EPC2: variants seen among roughly 807,000 people sequenced by gnomAD.
The protein encoded by EPC2 is enhancer of polycomb homolog 2.
In EPC2, 14 loss-of-function variants were observed where a neutral mutation model predicts 92.1. The observed-to-expected ratio is 0.15, with a 90% CI of 0.10 to 0.24. EPC2 has a LOEUF of 0.24. EPC2 is among the 10% of genes least tolerant of loss of function. The probability of loss-of-function intolerance (pLI) is 1.00; values close to 1 mark genes in which losing one functional copy is unlikely to be tolerated. For synonymous variants in EPC2, 340 were observed against 334.7 expected, an observed-to-expected ratio of 1.02 and a Z score of -0.17; for missense variants, 755 against 971.5, an observed-to-expected ratio of 0.78 and a Z score of 2.96.
At chr2:148,772,335 A>C (rs1683539195) in intron 10 of EPC2, among the ~76,000 whole-genome samples, 1 of 152,152 alleles carries the variant, frequency 6.6e-6, no homozygotes, top group African/African-American at 2.4e-5. Context: ...GTATATATGC[A>C]TTGTATCCCA....
intron 1 of EPC2, among the ~76,000 whole-genome samples, chr2:148,651,099 C>G (rs1395982662): frequency 6.6e-6 from 1 of 152,140 alleles, no homozygotes; most frequent in Non-Finnish European, 1.5e-5. Context: ...TGAGGTGATT[C>G]ATTGCATGTC....
intron 7 of EPC2, among the ~76,000 whole-genome samples, chr2:148,766,257 A>G (rs1448401626): frequency 6.6e-6 from 1 of 152,234 alleles, no homozygotes; most frequent in African/African-American, 2.4e-5. Context: ...ATATGTTTGA[A>G]AGCAAGACTG....
chr2:148,713,784 G>A (rs1174626245), intron 2 of EPC2, among the ~76,000 whole-genome samples: 1 of 152,170 alleles, frequency 6.6e-6, no homozygotes, highest in Non-Finnish European at 1.5e-5. Context: ...TTGTAGCCTA[G>A]GAGCAATAGG....
At chr2:148,679,486 G>T (rs1437076218) in intron 1 of EPC2, among the ~76,000 whole-genome samples, 2 of 152,200 alleles carry the variant, frequency 1.3e-5, no homozygotes, top group Admixed American at 1.3e-4. Context: ...AGGTGACATT[G>T]TATATTTCAT....
chr2:148,681,435 T>C lies in EPC2; in HGVS notation c.154-8779T>C, dbSNP rs192002755. Among the ~76,000 whole-genome samples, 12 of 152,330 alleles carry C rather than the reference T, an allele frequency of 7.9e-5. No individual in the cohort carries two copies. In the East Asian group the frequency reaches 1.7e-3, roughly 22 times the overall value. On this transcript the variant is annotated intron_variant, in intron 1 of 13. Transcript: ENST00000258484. ...TGCTGTTTCAGAGTTTACAAATCTC[T>C]CAAAGGCTACATTTGTTTAATTTTG... is the stretch of plus-strand genomic sequence containing the variant.
chr2:148,763,922 C>T (rs954540165), intron 6 of EPC2, among the ~76,000 whole-genome samples: 10 of 152,130 alleles, frequency 6.6e-5, no homozygotes, highest in African/African-American at 2.4e-4. Context: ...TTTTAGACCT[C>T]CTCTATGAAT....
intron 1 of EPC2, among the ~76,000 whole-genome samples, chr2:148,663,277 G>T (rs1435170106): frequency 2.0e-5 from 3 of 149,352 alleles, no homozygotes; most frequent in Admixed American, 2.0e-4. Flanking sequence ...GGAAAGCAGT[G>T]GCGCTATCTT....
intron 1 of EPC2, among the ~76,000 whole-genome samples, chr2:148,655,952 CT>C (rs2105351936): frequency 7.0e-6 from 1 of 142,368 alleles, no homozygotes; most frequent in African/African-American, 2.7e-5. Flanking sequence ...TAAAAAGTGT[CT>C]TTCCTTCCTC....
intron 1 of EPC2, among the ~76,000 whole-genome samples, chr2:148,667,840 G>A (rs779791392): frequency 2.0e-5 from 3 of 152,106 alleles, no homozygotes; most frequent in Non-Finnish European, 4.4e-5. Context: ...ATGGATGTTG[G>A]CTTTTGTCAA....
At chr2:148,719,872 T>G (rs1028178170) in intron 2 of EPC2, among the ~76,000 whole-genome samples, 2 of 152,184 alleles carry the variant, frequency 1.3e-5, no homozygotes, top group African/African-American at 4.8e-5. Flanking sequence ...CCTGCCCCAC[T>G]CTTCAGGCAC....
At chr2:148,717,674 A>G (rs926289456) in intron 2 of EPC2, among the ~76,000 whole-genome samples, 3 of 152,058 alleles carry the variant, frequency 2.0e-5, no homozygotes, top group African/African-American at 4.8e-5. Context: ...TATGTGATCA[A>G]TTTTACTCAA....
chr2:148,724,321 T>C (rs1682445451), intron 2 of EPC2, among the ~76,000 whole-genome samples: 1 of 152,184 alleles, frequency 6.6e-6, no homozygotes, highest in Non-Finnish European at 1.5e-5. Context: ...GTAGTACATA[T>C]AAATGTTAGT....
intron 10 of EPC2, among the ~76,000 whole-genome samples, chr2:148,777,737 G>A (rs1462197158): frequency 6.6e-6 from 1 of 152,098 alleles, no homozygotes; most frequent in African/African-American, 2.4e-5. Context: ...TGAAATGAGG[G>A]ATGGCTGGGA....
rs762158230 is a variant in EPC2 at position 148,769,114 on chromosome 2, T to G, written c.1141-37T>G. The G allele has an allele frequency of 1.4e-5, 20 of 1,415,168 alleles. No homozygotes were observed. The South Asian group carries it at 2.4e-4, about 17-fold the overall frequency. The allele number at this position is 1,415,168 out of a possible 1,614,324, so 87.7% of individuals were successfully genotyped here. A position where few individuals can be genotyped will look rare whatever the true frequency, so the allele number is the denominator to read the frequency against. On this transcript the variant is annotated intron_variant, in intron 7 of 13. Transcript: ENST00000258484. Reference sequence around the variant, plus strand: ...TATTACAAACATTGATCTATTGACTTTTGATAACTTCTAAATGGAATGCCT... The same window carrying G: ...TATTACAAACATTGATCTATTGACTGTTGATAACTTCTAAATGGAATGCCT...
At chr2:148,700,190 CAG>C (rs2105376836) in intron 2 of EPC2, among the ~76,000 whole-genome samples, 1 of 152,230 alleles carries the variant, frequency 6.6e-6, no homozygotes, top group South Asian at 2.1e-4. Context: ...CATTCACTAA[CAG>C]TGTCTTTCAC....
chr2:148,758,881 A>G (rs1683245726), intron 4 of EPC2, among the ~76,000 whole-genome samples: 1 of 152,218 alleles, frequency 6.6e-6, no homozygotes. Context: ...ACATAACCTG[A>G]ATTTAATCGT....
chr2:148,663,592 A>ATTTTTTTTTTTTTT (rs56911412), intron 1 of EPC2, among the ~76,000 whole-genome samples: 2 of 74,366 alleles, frequency 2.7e-5, no homozygotes, highest in Admixed American at 2.2e-4. Context: ...ATAGATTAAG[A>ATTTTTTTTTTTTTT]TTTTTTTTTT....
chr2:148,774,438 G>A (rs546214567), intron 10 of EPC2, among the ~76,000 whole-genome samples: 19 of 151,164 alleles, frequency 1.3e-4, no homozygotes, highest in African/African-American at 4.4e-4. Context: ...ACCAGCCTGG[G>A]CAACATGGCA....
chr2:148,785,994 A>C (rs1312831321), intron 13 of EPC2, among the ~76,000 whole-genome samples: 1 of 152,168 alleles, frequency 6.6e-6, no homozygotes, highest in Middle Eastern at 3.2e-3. Context: ...AGAAAAAAAA[A>C]AGAAAAACTT....
Sources: gnomAD v4.1 joint callset for allele counts (sites outside exome capture counted in the v4.1 genomes callset) on GRCh38, gnomAD v4.1.1 for gene constraint, MANE v1.5 for transcripts, NCBI Gene and HGNC (gene_info 2026-07-23, HGNC 2026-07-21) for gene names.